Variants in ELAC2 observed in about 807,000 individuals in gnomAD.
ELAC2 encodes zinc phosphodiesterase ELAC protein 2.
Under a neutral mutation model 105.2 loss-of-function variants are expected in ELAC2, and 92 were observed. The observed-to-expected ratio is 0.87, with a 90% CI of 0.74 to 1.04. The LOEUF is 1.04. Among genes scored for constraint, ELAC2 ranks in the 50% least tolerant of loss-of-function variants. The pLI, the probability that ELAC2 is intolerant of heterozygous loss-of-function variation, is 0.00. For synonymous variants in ELAC2, 468 were observed against 409.1 expected (o/e 1.14, Z -1.74); for missense variants, 1,099 against 1,071.7 (o/e 1.03, Z -0.36).
At position 13,013,224 on chromosome 17, in the gene ELAC2, TAA is replaced by T; in HGVS notation, c.540_541del (p.Tyr181ProfsTer7). On this transcript the variant is annotated frameshift_variant, in exon 6 of 24. Transcript: ENST00000338034. LOFTEE classifies it high-confidence loss of function. ...ATACTCACTGTGTATGGGGATCTGGTAAACTGTCATGGTTTCATCCTCGTATT... is the reference window on the plus strand; with the variant it reads ...ATACTCACTGTGTATGGGGATCTGGTACTGTCATGGTTTCATCCTCGTATT... The T allele has an allele frequency of 6.2e-7, 1 of 1,614,194 alleles. No homozygotes were observed. Among genetic ancestry groups the T allele is most frequent in the Non-Finnish European group, 8.5e-7 (1 of 1,180,030 alleles).
At chr17:13,003,070 C>T (rs1286413687) in intron 12 of ELAC2, among the ~76,000 whole-genome samples, 6 of 152,164 alleles carry the variant, frequency 3.9e-5, no homozygotes, top group East Asian at 1.9e-4. Context: ...GGGCTGCTGG[C>T]GACGACCCTA....
At chr17:13,002,100 A>G (rs1176370815) in intron 14 of ELAC2, among the ~76,000 whole-genome samples, 174 bp downstream of exon 14, 3 of 152,236 alleles carry the variant, frequency 2.0e-5, no homozygotes, top group Admixed American at 6.5e-5. Context: ...CACACAGCCA[A>G]GCCCATTCAT....
intron 14 of ELAC2, among the ~76,000 whole-genome samples, chr17:13,001,610 T>C (rs1252333906): frequency 6.6e-6 from 1 of 152,186 alleles, no homozygotes; most frequent in Admixed American, 6.5e-5. Context: ...CAAGATGGCA[T>C]CTTACATTTA....
chr17:12,992,980 G>A lies in ELAC2; in HGVS notation c.2319C>T (p.Gly773=), dbSNP rs550032568. ...LIPPLKALFA[G]DIEEMEERRE... Reference sequence around the variant, plus strand: ...TGCGCTCCTCCATCTCCTCGATGTCGCCAGCAAACAGGGCTTTCAGTGGGG... The same window carrying A: ...TGCGCTCCTCCATCTCCTCGATGTCACCAGCAAACAGGGCTTTCAGTGGGG... Residue 773 remains glycine (G), a synonymous_variant, in exon 24 of 24, where the codon GGC becomes GGT. Coordinates refer to ENST00000338034, the MANE Select transcript of ELAC2 (RefSeq NM_018127.7). The A allele has an allele frequency of 5.8e-5, 94 of 1,610,254 alleles. No homozygotes were observed. The East Asian group carries it at 1.3e-3, about 23-fold the overall frequency.
In ELAC2 at chr17:12,994,352, C is replaced by T. The variant is rs56329828; in HGVS notation, c.2108+73G>A. 0.11 allele frequency: 172,293 copies of T among 1,552,668 alleles called. 10,784 individuals carry two copies. Among genetic ancestry groups the T allele is most frequent in the Middle Eastern group, 0.2 (1,191 of 5,932 alleles). On this transcript the variant is annotated intron_variant, in intron 22 of 23. Transcript: ENST00000338034. Reference sequence around the variant, plus strand: ...GCAGCCCCACATCAGTGGAGACAAACGACGGCTGCTCAGTGTCACGTAGTG... The same window carrying T: ...GCAGCCCCACATCAGTGGAGACAAATGACGGCTGCTCAGTGTCACGTAGTG...
rs775890718 is a variant in ELAC2, at chr17:13,002,258, TC to T, written c.1304+15del. ...ACTCGACTGAGACGATTCCATTAGTTCAAGATGGCACAGACCTCTGCCACTC... is the reference window on the plus strand; with the variant it reads ...ACTCGACTGAGACGATTCCATTAGTTAAGATGGCACAGACCTCTGCCACTC... On this transcript the variant is annotated intron_variant, in intron 14 of 23. Coordinates refer to ENST00000338034, the MANE Select transcript of ELAC2 (RefSeq NM_018127.7). 1 of 1,613,892 alleles carries T rather than the reference TC, an allele frequency of 6.2e-7. No individual in the cohort carries two copies. The highest frequency in any genetic ancestry group is 1.7e-5 in the Admixed American group (1 of 60,012).
chr17:13,016,958 G>C, intron 2 of ELAC2, 26 bp from the exon 3 acceptor site: 2 of 1,613,552 alleles, frequency 1.2e-6, no homozygotes, highest in Non-Finnish European at 1.7e-6. Flanking sequence ...CATTTAAACA[G>C]GATAACATGA....
intron 5 of ELAC2, 108 bp downstream of exon 5, chr17:13,014,331 A>G: frequency 2.5e-6 from 2 of 792,014 alleles, no homozygotes; most frequent in Non-Finnish European, 4.4e-6. Flanking sequence ...GTGATGAAGC[A>G]TTTGATTTTG....
At chr17:12,994,581 G>C in intron 21 of ELAC2, 78 bp from the exon 22 acceptor site, 2 of 1,597,496 alleles carry the variant, frequency 1.3e-6, no homozygotes, top group Admixed American at 1.7e-5. Flanking sequence ...GCTGTTTCCT[G>C]GTCTCAACAC....
intron 10 of ELAC2, 96 bp from the exon 11 acceptor site, chr17:13,005,197 A>G: frequency 1.1e-6 from 1 of 871,484 alleles, no homozygotes; most frequent in Non-Finnish European, 2.0e-6. Context: ...TATCCTATCC[A>G]GTGAGCTGAG....
At chr17:13,000,636 T>C in intron 14 of ELAC2, 1 of 345,816 alleles carries the variant, frequency 2.9e-6, no homozygotes, top group Non-Finnish European at 5.7e-6. Flanking sequence ...CCAAATGTCC[T>C]CTGAGGGGTC....
chr17:12,997,258 T>C (rs751612608), intron 16 of ELAC2, among the ~76,000 whole-genome samples: 8 of 152,146 alleles, frequency 5.3e-5, no homozygotes, highest in Non-Finnish European at 1.2e-4. Context: ...GCTCTGGAAG[T>C]CTGGATTCTG....
At chr17:13,001,890 T>C (rs750940772) in intron 14 of ELAC2, among the ~76,000 whole-genome samples, 2 of 152,224 alleles carry the variant, frequency 1.3e-5, no homozygotes, top group East Asian at 3.8e-4. Flanking sequence ...CAAAATGTTA[T>C]CAATCATTAT....
rs2041367232 is a variant in ELAC2, at chr17:13,010,653, C to G, written c.698G>C (p.Gly233Ala). 1 of 1,614,002 alleles carries G rather than the reference C, an allele frequency of 6.2e-7. No individual in the cohort carries two copies. Among genetic ancestry groups the G allele is most frequent in the African/African-American group, 1.3e-5 (1 of 74,922 alleles). Residue 233 changes from glycine to alanine, a missense_variant, in exon 8 of 24, where the codon GGG (glycine) becomes GCG (alanine). By Grantham distance (60) the Gly-to-Ala change is moderately conservative (BLOSUM62 0). Coordinates refer to ENST00000338034, the MANE Select transcript of ELAC2 (RefSeq NM_018127.7). Reference protein sequence around the residue: ...HLPHGVSQRRGVRDSSLVVAF... With the variant: ...HLPHGVSQRRAVRDSSLVVAF... Reference sequence around the variant, plus strand: ...TACGACCAGGGAAGAGTCCCTGACCCCTCTTCTCTGGCTAACACCTGAGGA... The same window carrying G: ...TACGACCAGGGAAGAGTCCCTGACCGCTCTTCTCTGGCTAACACCTGAGGA...
In ELAC2 at chr17:12,996,024, T is replaced by C; in HGVS notation, c.1660-46A>G. 3 of 1,562,972 alleles carry C rather than the reference T, an allele frequency of 1.9e-6. No individual in the cohort carries two copies. In the South Asian group the frequency reaches 3.5e-5, roughly 18 times the overall value. ...ATGCGTCAGCCAGGCCCCAGGGCCA[T>C]CCCCTCCGGGTTAGGGTCTGCAGCC... On this transcript the variant is annotated intron_variant, in intron 17 of 23. Transcript: ENST00000338034.
At chr17:13,005,509 C>T (rs1203524170) in intron 10 of ELAC2, among the ~76,000 whole-genome samples, 1 of 152,186 alleles carries the variant, frequency 6.6e-6, no homozygotes, top group Non-Finnish European at 1.5e-5. Context: ...GGAAAGCATG[C>T]ACCCTTTAAG....
intron 16 of ELAC2, 72 bp downstream of exon 16, chr17:12,998,340 G>C: frequency 7.1e-7 from 1 of 1,418,364 alleles, no homozygotes; most frequent in Non-Finnish European, 1.0e-6. Context: ...CGACTGGTGA[G>C]TACAGCAGGA....
At chr17:12,996,515 G>A (rs1286346871) in intron 17 of ELAC2, 32 bp downstream of exon 17, 1 of 1,613,194 alleles carries the variant, frequency 6.2e-7, no homozygotes, top group Non-Finnish European at 8.5e-7. Context: ...CCTCCTCCAG[G>A]CTCCAGCTTT....
At position 12,995,754 on chromosome 17, in the gene ELAC2, G is replaced by A. The variant is rs1157540187; in HGVS notation, c.1757C>T (p.Ala586Val). 2 of 1,612,948 alleles carry A rather than the reference G, an allele frequency of 1.2e-6. No homozygotes were observed. The highest frequency in any genetic ancestry group is 2.2e-5 in the East Asian group (1 of 44,858). The change falls in exon 19 of 24, where the codon GCC (alanine) becomes GTC (valine). Residue 586 changes from alanine (A) to valine (V), a missense_variant. By Grantham distance (64) the Ala-to-Val change is moderately conservative. Transcript: ENST00000338034. Reference sequence around the variant, plus strand: ...CTGGTTGTGGTACTGCTGGAGCCAGGCTTTGAGCTGGTTGGGGGCAACCAC... The same window carrying A: ...CTGGTTGTGGTACTGCTGGAGCCAGACTTTGAGCTGGTTGGGGGCAACCAC... The part of the protein sequence containing the change: ...LLVVAPNQLK[A>V]WLQQYHNQCQ...
Sources: allele counts gnomAD v4.1 joint callset (sites outside exome capture counted in the v4.1 genomes callset), GRCh38; gene constraint gnomAD v4.1.1; transcripts MANE v1.5; gene names NCBI Gene and HGNC (gene_info 2026-07-23, HGNC 2026-07-21).